Variants in GPNMB observed in about 807,000 individuals in gnomAD.
The protein encoded by GPNMB is glycoprotein nmb, also known as transmembrane glycoprotein NMB.
In GPNMB, 71 loss-of-function variants were observed where a neutral mutation model predicts 57.3. The observed-to-expected ratio is 1.24, with a 90% CI of 1.02 to 1.51. GPNMB has a LOEUF of 1.51. Ranked by LOEUF, GPNMB falls within the 40% of genes most tolerant of loss-of-function variation. The pLI is 0.00. For missense variants in GPNMB, 677 were observed against 691.9 expected (o/e 0.98, Z 0.24); for synonymous variants, 253 against 263.2 (o/e 0.96, Z 0.38).
At chr7:23,272,140 C>T (rs1009852206) in intron 9 of GPNMB, among the ~76,000 whole-genome samples, 1 of 152,214 alleles carries the variant, frequency 6.6e-6, no homozygotes, top group African/African-American at 2.4e-5. Flanking sequence ...GTTATTCCTT[C>T]AGTGCTGCCA....
intron 1 of GPNMB, among the ~76,000 whole-genome samples, chr7:23,250,509 C>T (rs1034831620): frequency 5.3e-5 from 8 of 151,766 alleles, no homozygotes; most frequent in Admixed American, 2.6e-4. Context: ...GCAGGTAGAT[C>T]ACTTGAGCCC....
Position 23,266,631 on chromosome 7 carries a change from A to T in GPNMB, c.1117+16A>T. On this transcript the variant is annotated intron_variant, in intron 7 of 10. Transcript: ENST00000258733. ...ACAATTGTAGGTAAGGCTGAAGATG[A>T]TGACCAGTGAGGAAGGATGCTAGAC... The T allele has an allele frequency of 6.2e-7, 1 of 1,611,920 alleles. No individual in the cohort carries two copies.
At chr7:23,273,919 C>G (rs1783274139) in intron 10 of GPNMB, 146 bp from the exon 11 acceptor site, 1 of 621,148 alleles carries the variant, frequency 1.6e-6, no homozygotes, top group Non-Finnish European at 2.8e-6. Flanking sequence ...AATAAATGTA[C>G]TTTCATAAGA....
Position 23,274,464 on chromosome 7 carries a change from T to G in GPNMB, c.*240T>G, listed in dbSNP as rs1299028750. 2.6e-6 allele frequency: 1 copy of G among 384,184 alleles called. No individual in the cohort carries two copies. The highest frequency in any genetic ancestry group is 4.9e-5 in the East Asian group (1 of 20,414). The allele number at this position is 384,184 out of a possible 1,614,324, so 23.8% of individuals were successfully genotyped here. A position where few individuals can be genotyped will look rare whatever the true frequency, so the allele number is the denominator to read the frequency against. On this transcript the variant is annotated 3_prime_UTR_variant, in exon 11 of 11. Coordinates refer to ENST00000258733, the MANE Select transcript of GPNMB (RefSeq NM_002510.3). ...TTAGCAAGGCTTCTTTTCATTATTT[T>G]TTATGTTTCACTTATAAAGTCTTAG...
In GPNMB at chr7:23,268,001, T is replaced by A. The variant is rs200582723; in HGVS notation, c.1220+13T>A. On this transcript the variant is annotated intron_variant, in intron 8 of 10. Transcript: ENST00000258733. The stretch of plus-strand genomic sequence containing the variant: ...CCTGCCAAGGGAGGTGAGTATATTA[T>A]CTCCGACAGAGGCATGGGTGGGTCA... The A allele has an allele frequency of 3.8e-5, 58 of 1,517,016 alleles. No homozygotes were observed. In the African/African-American group the frequency reaches 6.5e-4, roughly 17 times the overall value. The allele number at this position is 1,517,016 out of a possible 1,614,324, so 94.0% of individuals were successfully genotyped here.
intron 2 of GPNMB, 62 bp downstream of exon 2, chr7:23,253,521 G>T (rs1782706673): frequency 2.1e-6 from 3 of 1,418,340 alleles, no homozygotes; most frequent in Non-Finnish European, 2.0e-6. Flanking sequence ...CTTGTAGATG[G>T]TAAAGCCTTT....
Position 23,247,272 on chromosome 7 carries a change from A to T in GPNMB, c.70+345A>T, listed in dbSNP as rs112385689. On this transcript the variant is annotated intron_variant, in intron 1 of 10. Coordinates refer to ENST00000258733, the MANE Select transcript of GPNMB (RefSeq NM_002510.3). Reference sequence around the variant, plus strand: ...ACAAAGCAACTCCACCAACTAAACTATGTCCAGCTTCCATCCAAAAGGGTG... The same window carrying T: ...ACAAAGCAACTCCACCAACTAAACTTTGTCCAGCTTCCATCCAAAAGGGTG... 1,129 of 317,420 alleles carry T rather than the reference A, an allele frequency of 3.6e-3. 14 individuals carry two copies. The highest frequency in any genetic ancestry group is 0.022 in the African/African-American group (1,031 of 46,902). 19.7% of individuals were successfully genotyped at this position (317,420 alleles called of 1,614,324 possible).
chr7:23,269,407 A>C (rs1334847343), intron 8 of GPNMB, among the ~76,000 whole-genome samples: 1 of 152,158 alleles, frequency 6.6e-6, no homozygotes, highest in Non-Finnish European at 1.5e-5. Context: ...AACAAACAAA[A>C]AAACTATTGA....
At chr7:23,264,145 ACTCT>A (rs2128483830) in intron 6 of GPNMB, among the ~76,000 whole-genome samples, 1 of 151,808 alleles carries the variant, frequency 6.6e-6, no homozygotes, top group South Asian at 2.1e-4. Context: ...TTACTGTAAT[ACTCT>A]CTCTATATAT....
At chr7:23,252,878 A>G (rs1782690967) in intron 1 of GPNMB, among the ~76,000 whole-genome samples, 1 of 152,224 alleles carries the variant, frequency 6.6e-6, no homozygotes, top group Non-Finnish European at 1.5e-5. Context: ...TCCTGGTACT[A>G]GTACGTGTCG....
chr7:23,254,589 T>C (rs1350586958), intron 3 of GPNMB, among the ~76,000 whole-genome samples: 3 of 152,238 alleles, frequency 2.0e-5, no homozygotes, highest in African/African-American at 4.8e-5. Context: ...TCCAGTTGAC[T>C]GGACAGAGAA....
chr7:23,259,848 C>T, intron 4 of GPNMB, 132 bp from the exon 5 acceptor site: 1 of 707,724 alleles, frequency 1.4e-6, no homozygotes, highest in South Asian at 1.9e-5. Context: ...CTTTCTGAAG[C>T]AGCACCACAG....
intron 1 of GPNMB, chr7:23,247,719 C>T (rs779007794): frequency 2.0e-5 from 3 of 152,250 alleles, no homozygotes; most frequent in Non-Finnish European, 4.4e-5. Context: ...AGGCCTGAGA[C>T]GTGGGCCGCG....
At chr7:23,265,522 G>T (rs926246573) in intron 6 of GPNMB, among the ~76,000 whole-genome samples, 20 of 152,112 alleles carry the variant, frequency 1.3e-4, no homozygotes, top group African/African-American at 4.8e-4. Context: ...TTTCAAAAAT[G>T]TCTTGTATTC....
intron 6 of GPNMB, among the ~76,000 whole-genome samples, chr7:23,265,980 G>A (rs935989634): frequency 1.3e-5 from 2 of 150,842 alleles, no homozygotes; most frequent in South Asian, 2.1e-4. Context: ...ACGGAGTCTC[G>A]CTCTGTCACC....
intron 10 of GPNMB, 116 bp downstream of exon 10, chr7:23,273,730 G>A: frequency 1.4e-6 from 1 of 693,390 alleles, no homozygotes; most frequent in Non-Finnish European, 2.5e-6. Flanking sequence ...GTGTAGGGGA[G>A]GAAAATATTA....
Position 23,256,884 on chromosome 7 carries a change from C to G in GPNMB, c.368-8C>G. The G allele has an allele frequency of 1.2e-6, 2 of 1,612,148 alleles. No homozygotes were observed. Among genetic ancestry groups the G allele is most frequent in the South Asian group, 1.1e-5 (1 of 91,034 alleles). ...TAACACTCATGGCTGGTTTCTATCT[C>G]TGTTTAGAGGCTGGTTTATCTGCTG... On this transcript the variant is annotated splice_region_variant and splice_polypyrimidine_tract_variant and intron_variant, in intron 3 of 10. Coordinates refer to ENST00000258733, the MANE Select transcript of GPNMB (RefSeq NM_002510.3).
At chr7:23,273,437 C>G in intron 9 of GPNMB, 84 bp from the exon 10 acceptor site, 1 of 851,868 alleles carries the variant, frequency 1.2e-6, no homozygotes, top group East Asian at 2.5e-5. Flanking sequence ...TGACGGCTCC[C>G]TTCCTCATTT....
At chr7:23,258,537 C>G (rs1436913715) in intron 4 of GPNMB, among the ~76,000 whole-genome samples, 1 of 152,200 alleles carries the variant, frequency 6.6e-6, no homozygotes, top group Non-Finnish European at 1.5e-5. Context: ...ACTCTTTAGC[C>G]TAGTAAACAT....
Sources: gnomAD v4.1 joint callset for allele counts (sites outside exome capture counted in the v4.1 genomes callset) on GRCh38, gnomAD v4.1.1 for gene constraint, MANE v1.5 for transcripts, NCBI Gene and HGNC (gene_info 2026-07-23, HGNC 2026-07-21) for gene names.